Variants in RNF150 observed in about 807,000 individuals in gnomAD.
The protein encoded by RNF150 is ring finger protein 150.
A neutral mutation model predicts 39.3 loss-of-function variants in RNF150; 24 were observed. The ratio of observed to expected loss-of-function variants is 0.61; its 90% confidence interval spans 0.44 to 0.86. The LOEUF is 0.86. Ranked by LOEUF, RNF150 falls within the 40% of genes least tolerant of loss-of-function variation. RNF150 has a pLI of 0.00. For missense variants in RNF150, 502 were observed against 587.8 expected (o/e 0.85, Z 1.51); for synonymous variants, 255 against 227.3 (o/e 1.12, Z -1.10).
chr4:140,901,799 G>C (rs1730196420), intron 6 of RNF150, among the ~76,000 whole-genome samples: 1 of 152,168 alleles, frequency 6.6e-6, no homozygotes. Flanking sequence ...GATTCTGCTT[G>C]GAGGAGCAGA....
chr4:141,078,707 G>C (rs1443407250), intron 1 of RNF150, among the ~76,000 whole-genome samples: 1 of 148,004 alleles, frequency 6.8e-6, no homozygotes. Flanking sequence ...GGAGAACGGC[G>C]TGAACCCAGG....
rs1411541425 is a variant in RNF150, at chr4:140,911,245, G to A, written c.1097C>T (p.Ser366Leu). 9 of 1,613,988 alleles carry A rather than the reference G, an allele frequency of 5.6e-6. No homozygotes were observed. The highest frequency in any genetic ancestry group is 6.8e-6 in the Non-Finnish European group (8 of 1,180,020). ...CCGGACAGCAGGGTCCAAAGTGACTGAACTTTCATTCACTGTTGTGTCGCT... is the reference window on the plus strand; with the variant it reads ...CCGGACAGCAGGGTCCAAAGTGACTAAACTTTCATTCACTGTTGTGTCGCT... ...GASDTTVNES[S>L]VTLDPAVRTV... is the part of the protein sequence containing the mutation. Residue 366 changes from serine to leucine, a missense_variant, in exon 6 of 7, where the codon TCA becomes TTA. Physicochemically the swap from Ser to Leu is moderately radical, Grantham distance 145 (BLOSUM62 -2). Transcript: ENST00000515673.
intron 2 of RNF150, among the ~76,000 whole-genome samples, chr4:140,954,680 A>G (rs1732676023): frequency 6.6e-6 from 1 of 152,238 alleles, no homozygotes; most frequent in African/African-American, 2.4e-5. Flanking sequence ...GTATTAAAAT[A>G]ATAAAGTCCT....
chr4:140,918,371 AAATACAAACTACCATCAGAGAAT>A (rs1185279362), intron 5 of RNF150, among the ~76,000 whole-genome samples: 1 of 152,246 alleles, frequency 6.6e-6, no homozygotes, highest in Admixed American at 6.5e-5. Flanking sequence ...GATCCCACAG[AAATACAAACTACCATCAGAGAAT>A]AGTACAAACA....
intron 1 of RNF150, among the ~76,000 whole-genome samples, chr4:141,187,950 A>G (rs1301895857): frequency 6.6e-6 from 1 of 152,002 alleles, no homozygotes; most frequent in Non-Finnish European, 1.5e-5. Flanking sequence ...GTTGTTGGTC[A>G]TTATATTTTG....
intron 1 of RNF150, among the ~76,000 whole-genome samples, chr4:141,001,713 T>C (rs1026075829): frequency 2.0e-5 from 3 of 152,054 alleles, no homozygotes; most frequent in Non-Finnish European, 4.4e-5. Flanking sequence ...AGAGTAAGTA[T>C]GTTTAATGGA....
At chr4:141,050,512 T>TG (rs1307004689) in intron 1 of RNF150, among the ~76,000 whole-genome samples, 1 of 152,114 alleles carries the variant, frequency 6.6e-6, no homozygotes, top group African/African-American at 2.4e-5. Flanking sequence ...CTAGATACAA[T>TG]GGGGGTACAG....
At chr4:141,169,335 C>T (rs1460467768) in intron 1 of RNF150, among the ~76,000 whole-genome samples, 4 of 152,112 alleles carry the variant, frequency 2.6e-5, no homozygotes, top group Admixed American at 6.6e-5. Context: ...AGGAGCTAAG[C>T]AGATGCCAGC....
At chr4:140,957,847 CAAT>C (rs1732834873) in intron 2 of RNF150, among the ~76,000 whole-genome samples, 1 of 143,860 alleles carries the variant, frequency 7.0e-6, no homozygotes, top group Admixed American at 7.5e-5. Context: ...GGGAAATGAA[CAAT>C]GAGAACACAT....
At chr4:141,204,532 C>T (rs6846312) in intron 1 of RNF150, among the ~76,000 whole-genome samples, 35,901 of 151,082 alleles carry the variant, frequency 0.24, 4,768 homozygotes, top group East Asian at 0.62. Context: ...ATCCCATCTC[C>T]TCCCTTTCCT....
intron 6 of RNF150, among the ~76,000 whole-genome samples, chr4:140,880,920 G>C (rs1268835080): frequency 6.6e-6 from 1 of 151,936 alleles, no homozygotes; most frequent in Non-Finnish European, 1.5e-5. Flanking sequence ...AATTAGTCTA[G>C]CTAAGGATCT....
chr4:141,136,655 A>C (rs1339473812), upstream of RNF150, among the ~76,000 whole-genome samples: 1 of 152,188 alleles, frequency 6.6e-6, no homozygotes, highest in African/African-American at 2.4e-5. Context: ...TTCATCCAAC[A>C]ATAATTATCG....
intron 1 of RNF150, among the ~76,000 whole-genome samples, chr4:141,079,187 G>T (rs1738052894): frequency 6.6e-6 from 1 of 152,084 alleles, no homozygotes; most frequent in Non-Finnish European, 1.5e-5. Flanking sequence ...TTAGTGTGAG[G>T]ACTGCTTGAA....
intron 1 of RNF150, among the ~76,000 whole-genome samples, chr4:141,021,720 T>TG (rs1332515070): frequency 6.6e-6 from 1 of 152,202 alleles, no homozygotes; most frequent in Non-Finnish European, 1.5e-5. Context: ...TTGGTCTGTA[T>TG]GCCTGTCTCC....
intron 1 of RNF150, among the ~76,000 whole-genome samples, chr4:141,167,779 T>C (rs957471186): frequency 1.3e-5 from 2 of 152,122 alleles, no homozygotes; most frequent in African/African-American, 4.8e-5. Flanking sequence ...TTACACCTTA[T>C]ACAAAAATTA....
At chr4:141,107,228 G>T (rs564801527) in intron 1 of RNF150, among the ~76,000 whole-genome samples, 2 of 152,292 alleles carry the variant, frequency 1.3e-5, no homozygotes, top group South Asian at 4.1e-4. Context: ...ATTAAAATAA[G>T]TGTGAATTCT....
intron 1 of RNF150, among the ~76,000 whole-genome samples, chr4:141,085,847 C>T (rs1738342599): frequency 6.6e-6 from 1 of 151,990 alleles, no homozygotes; most frequent in African/African-American, 2.4e-5. Context: ...GAGTATAAGA[C>T]ACTAGAGGAA....
intron 2 of RNF150, among the ~76,000 whole-genome samples, chr4:140,954,206 T>C (rs1732656349): frequency 6.6e-6 from 1 of 152,050 alleles, no homozygotes; most frequent in Non-Finnish European, 1.5e-5. Context: ...ACCCAAATCA[T>C]GCTTCTTCTT....
intron 1 of RNF150, among the ~76,000 whole-genome samples, chr4:141,186,478 A>G (rs529445285): frequency 1.7e-4 from 26 of 152,166 alleles, no homozygotes; most frequent in South Asian, 1.2e-3. Context: ...GGCTCACTGC[A>G]AGCTCCGCCT....
Sources: allele counts gnomAD v4.1 joint callset (sites outside exome capture counted in the v4.1 genomes callset), GRCh38; gene constraint gnomAD v4.1.1; transcripts MANE v1.5; gene names NCBI Gene and HGNC (gene_info 2026-07-23, HGNC 2026-07-21).